The following FCHSD2 variants were observed in gnomAD, a reference collection of about 807,000 sequenced individuals.
FCHSD2 encodes the protein FCH and double SH3 domains 2.
A neutral mutation model predicts 108.1 loss-of-function variants in FCHSD2; 38 were observed. The ratio of observed to expected loss-of-function variants is 0.35; its 90% CI spans 0.27 to 0.46. The LOEUF (loss-of-function observed/expected upper bound fraction) is 0.46, where lower values mean the gene tolerates loss of function less well. Among genes scored for constraint, FCHSD2 ranks in the 20% least tolerant of loss-of-function variants. The pLI, the probability that FCHSD2 is intolerant of heterozygous loss-of-function variation, is 1.00. For missense variants in FCHSD2, 751 were observed against 897.8 expected, an observed-to-expected ratio of 0.84 and a Z score of 2.09; for synonymous variants, 279 against 314.7, an observed-to-expected ratio of 0.89 and a Z score of 1.20.
intron 8 of FCHSD2, among the ~76,000 whole-genome samples, chr11:72,974,954 G>C (rs1461250463): frequency 6.6e-6 from 1 of 152,082 alleles, no homozygotes; most frequent in Non-Finnish European, 1.5e-5. Context: ...AGCTAGAGAC[G>C]ACAGAGAAAC....
At chr11:73,030,408 C>T (rs191562122) in intron 3 of FCHSD2, among the ~76,000 whole-genome samples, 31 of 152,162 alleles carry the variant, frequency 2.0e-4, no homozygotes, top group Admixed American at 5.9e-4. Flanking sequence ...ATACAAAACT[C>T]AATTTACCAT....
At chr11:73,116,388 T>C (rs1262608756) in intron 2 of FCHSD2, among the ~76,000 whole-genome samples, 2 of 152,228 alleles carry the variant, frequency 1.3e-5, no homozygotes, top group East Asian at 3.8e-4. Context: ...GGCATCACAG[T>C]TATACAAGAT....
intron 8 of FCHSD2, among the ~76,000 whole-genome samples, chr11:72,928,059 G>A (rs188263615): frequency 6.6e-6 from 1 of 152,294 alleles, no homozygotes; most frequent in East Asian, 1.9e-4. Context: ...AAAGGATGTG[G>A]TATAATGTTA....
chr11:73,088,050 T>C (rs1859865322), intron 2 of FCHSD2, among the ~76,000 whole-genome samples: 1 of 152,156 alleles, frequency 6.6e-6, no homozygotes, highest in African/African-American at 2.4e-5. Context: ...TGGCTAATTA[T>C]TGTTGTTGTT....
chr11:72,922,005 G>A, intron 8 of FCHSD2, 55 bp from the exon 9 acceptor site: 1 of 1,303,690 alleles, frequency 7.7e-7, no homozygotes, highest in South Asian at 1.3e-5. Context: ...CTTGACATAT[G>A]ATATCTTCTG....
At chr11:72,887,893 T>A (rs1178931417) in intron 11 of FCHSD2, among the ~76,000 whole-genome samples, 1 of 152,200 alleles carries the variant, frequency 6.6e-6, no homozygotes, top group Non-Finnish European at 1.5e-5. Context: ...TCTTGTTCTA[T>A]GGCATTAAGT....
chr11:73,051,916 C>CACA (rs1341791569), intron 3 of FCHSD2, among the ~76,000 whole-genome samples: 2 of 133,292 alleles, frequency 1.5e-5, no homozygotes, highest in Non-Finnish European at 3.3e-5. Flanking sequence ...CACACACACA[C>CACA]CCCACACACA....
chr11:72,946,814 C>G (rs939889689), intron 8 of FCHSD2, among the ~76,000 whole-genome samples: 1 of 152,024 alleles, frequency 6.6e-6, no homozygotes, highest in Non-Finnish European at 1.5e-5. Flanking sequence ...AAACTGAGTC[C>G]CAAGATGTTA....
intron 2 of FCHSD2, among the ~76,000 whole-genome samples, chr11:73,108,610 G>A (rs374815420): frequency 1.2e-4 from 18 of 152,178 alleles, no homozygotes; most frequent in South Asian, 4.1e-4. Context: ...CGCCCAGGCC[G>A]GACTGCGGAC....
rs138562468 is a variant in FCHSD2 at position 73,098,914 on chromosome 11, A to G, written c.120-15174T>C. On this transcript the variant is annotated intron_variant, in intron 2 of 19. Transcript: ENST00000409418. ...AACGAAGAAAAAACAGGTAAAATGA[A>G]CTTCATCAAAATTTAAATCCAGGTG... Among the ~76,000 whole-genome samples the G allele has an allele frequency of 3.1e-3, 465 of 152,258 alleles. 1 individual carries two copies. The highest frequency in any genetic ancestry group is 0.011 in the African/African-American group (445 of 41,524).
chr11:72,890,396 G>A (rs975328518), intron 10 of FCHSD2, among the ~76,000 whole-genome samples: 3 of 151,068 alleles, frequency 2.0e-5, no homozygotes, highest in Non-Finnish European at 4.4e-5. Flanking sequence ...TATAATAACA[G>A]CAACACAATC....
At chr11:72,965,006 G>T (rs964261558) in intron 8 of FCHSD2, among the ~76,000 whole-genome samples, 4 of 152,066 alleles carry the variant, frequency 2.6e-5, no homozygotes, top group African/African-American at 9.6e-5. Context: ...AGCCAGGATG[G>T]TCTCAATTTC....
chr11:72,956,295 G>GA (rs1194592106), intron 8 of FCHSD2, among the ~76,000 whole-genome samples: 1 of 152,068 alleles, frequency 6.6e-6, no homozygotes, highest in Non-Finnish European at 1.5e-5. Flanking sequence ...AAGAAATGAT[G>GA]AAAATAGAAA....
chr11:73,100,032 C>T (rs565132893), intron 2 of FCHSD2, among the ~76,000 whole-genome samples: 4 of 152,310 alleles, frequency 2.6e-5, no homozygotes, highest in African/African-American at 4.8e-5. Flanking sequence ...CCTTCCCTGA[C>T]GCACCCCGGA....
rs745543789 is a variant in FCHSD2 at position 73,001,083 on chromosome 11, G to A, written c.294C>T (p.Ala98=). ...KSFLEGTMQV[A]QSRMNICENY... ...TTTCACATATATTCATCCGAGACTGGGCTACCTGCATTGTTCCCTCGAGAA... is the reference window on the plus strand; with the variant it reads ...TTTCACATATATTCATCCGAGACTGAGCTACCTGCATTGTTCCCTCGAGAA... Residue 98 remains alanine, a synonymous_variant, in exon 5 of 20, where the codon GCC becomes GCT. Coordinates refer to ENST00000409418, the MANE Select transcript of FCHSD2 (RefSeq NM_014824.3). The A allele has an allele frequency of 1.2e-6, 2 of 1,612,798 alleles. No individual in the cohort carries two copies. The highest frequency in any genetic ancestry group is 1.7e-6 in the Non-Finnish European group (2 of 1,179,232).
chr11:72,875,036 C>T (rs1460528142), intron 12 of FCHSD2, among the ~76,000 whole-genome samples: 4 of 152,136 alleles, frequency 2.6e-5, no homozygotes, highest in African/African-American at 4.8e-5. Flanking sequence ...GATTTTAACA[C>T]AACATTTAAC....
chr11:73,079,194 G>T (rs1019929758), intron 3 of FCHSD2, among the ~76,000 whole-genome samples: 2 of 151,286 alleles, frequency 1.3e-5, no homozygotes, highest in African/African-American at 2.4e-5. Flanking sequence ...AGAGTTAAGA[G>T]AAATAATTTT....
chr11:73,069,205 G>A (rs746843392), intron 3 of FCHSD2, among the ~76,000 whole-genome samples: 12 of 151,366 alleles, frequency 7.9e-5, no homozygotes, highest in Non-Finnish European at 1.5e-4. Context: ...CAGCCACTCG[G>A]GAGGCTGAGG....
chr11:73,029,758 T>C (rs1858315231), intron 3 of FCHSD2, among the ~76,000 whole-genome samples: 1 of 152,060 alleles, frequency 6.6e-6, no homozygotes, highest in South Asian at 2.1e-4. Flanking sequence ...GAACCACACA[T>C]TGAAAATTAG....
Sources: gnomAD v4.1 joint callset for allele counts (sites outside exome capture counted in the v4.1 genomes callset) on GRCh38, gnomAD v4.1.1 for gene constraint, MANE v1.5 for transcripts, NCBI Gene and HGNC (gene_info 2026-07-23, HGNC 2026-07-21) for gene names.